Variants in CD3E observed in about 807,000 individuals in gnomAD.
CD3E encodes T-cell surface glycoprotein CD3 epsilon chain.
Under a neutral mutation model 34.7 loss-of-function variants are expected in CD3E, and 16 were observed. That is an observed-to-expected ratio of 0.46 (90% CI 0.31 to 0.70). The LOEUF (loss-of-function observed/expected upper bound fraction) is 0.70. Ranked by LOEUF, CD3E falls within the 30% of genes least tolerant of loss-of-function variation. The pLI is 0.05. For synonymous variants in CD3E, 70 were observed against 90.8 expected, an observed-to-expected ratio of 0.77 and a Z score of 1.30; for missense variants, 223 against 253.9, an observed-to-expected ratio of 0.88 and a Z score of 0.83.
intron 2 of CD3E, among the ~76,000 whole-genome samples, chr11:118,305,766 A>G (rs904182689): frequency 6.6e-6 from 1 of 152,242 alleles, no homozygotes; most frequent in Non-Finnish European, 1.5e-5. Flanking sequence ...GTTTTAAACC[A>G]CATAGTAAGT....
chr11:118,313,805 T>C lies in CD3E; in HGVS notation c.451T>C (p.Trp151Arg), dbSNP rs772728734. 2 of 1,614,012 alleles carry C rather than the reference T, an allele frequency of 1.2e-6. No homozygotes were observed. The highest frequency in any genetic ancestry group is 1.3e-5 in the African/African-American group (1 of 74,892). ...GGGCTTGCTGCTGCTGGTTTACTAC[T>C]GGAGCAAGAATAGAAAGGCCAAGGC... ...TGGLLLLVYY[W>R]SKNRKAKAKP... The change falls in exon 7 of 9, where the codon TGG becomes CGG. Residue 151 changes from tryptophan (W) to arginine (R), a missense_variant. Physicochemically the swap from Trp to Arg is moderately radical, Grantham distance 101 (BLOSUM62 -3). Coordinates refer to ENST00000361763, the MANE Select transcript of CD3E (RefSeq NM_000733.4).
intron 6 of CD3E, chr11:118,313,142 A>T: frequency 2.0e-6 from 1 of 488,784 alleles, no homozygotes; most frequent in Non-Finnish European, 3.7e-6. Flanking sequence ...GCACCGCATC[A>T]CACCCAGGTT....
In CD3E at chr11:118,313,770, G is replaced by C. The variant is rs747675748; in HGVS notation, c.416G>C (p.Cys139Ser). 6.2e-7 allele frequency: 1 copy of C among 1,614,096 alleles called. No homozygotes were observed. Among genetic ancestry groups the C allele is most frequent in the Non-Finnish European group, 8.5e-7 (1 of 1,180,014 alleles). The change falls in exon 7 of 9, where the codon TGC (cysteine) becomes TCC (serine). Residue 139 changes from cysteine (C) to serine (S), a missense_variant. Cys to Ser is a moderately radical substitution (Grantham distance 112). Coordinates refer to ENST00000361763, the MANE Select transcript of CD3E (RefSeq NM_000733.4). The part of the protein sequence containing the change: ...SVATIVIVDI[C>S]ITGGLLLLVY... ...GCCACAATTGTCATAGTGGACATCT[G>C]CATCACTGGGGGCTTGCTGCTGCTG...
intron 3 of CD3E, among the ~76,000 whole-genome samples, 169 bp downstream of exon 3, chr11:118,307,477 G>A (rs528935989): frequency 3.2e-4 from 48 of 152,232 alleles, no homozygotes; most frequent in Non-Finnish European, 5.4e-4. Context: ...GATATTTCTA[G>A]CCCAGAAGAG....
At chr11:118,313,078 A>C in intron 6 of CD3E, 3 of 627,768 alleles carry the variant, frequency 4.8e-6, no homozygotes, top group Non-Finnish European at 8.6e-6. Context: ...GGGTAACCCC[A>C]GTCTGTGCGA....
chr11:118,312,135 T>G lies in CD3E; in HGVS notation c.86-18T>G. The stretch of plus-strand genomic sequence containing the variant: ...ACCATGATATTTTCTTACTGCTGTT[T>G]CCTTTTTTCATTTTCAGGTGGTATT... On this transcript the variant is annotated intron_variant, in intron 4 of 8. Coordinates refer to ENST00000361763, the MANE Select transcript of CD3E (RefSeq NM_000733.4). The G allele has an allele frequency of 6.2e-7, 1 of 1,609,352 alleles. No homozygotes were observed.
At chr11:118,305,182 C>T (rs1351929339) in intron 2 of CD3E, among the ~76,000 whole-genome samples, 181 bp downstream of exon 2, 1 of 152,246 alleles carries the variant, frequency 6.6e-6, no homozygotes, top group Non-Finnish European at 1.5e-5. Context: ...CCACGGGTGC[C>T]TGGGAGAGCG....
rs1948096651 is a variant in CD3E, at chr11:118,304,770, G to A, written c.-66G>A. On this transcript the variant is annotated 5_prime_UTR_variant, in exon 1 of 9. Coordinates refer to ENST00000361763, the MANE Select transcript of CD3E (RefSeq NM_000733.4). ...CTCCCAGCCTCAGGTGCCTGCTTCA[G>A]AAAATGGTGAGTCTCTCTCTTATAA... 5.7e-6 allele frequency: 4 copies of A among 696,204 alleles called. No individual in the cohort carries two copies. Among genetic ancestry groups the A allele is most frequent in the Non-Finnish European group, 1.1e-5 (4 of 380,642 alleles). The allele number at this position is 696,204 out of a possible 1,614,324, so 43.1% of individuals were successfully genotyped here.
At chr11:118,308,504 T>A in intron 4 of CD3E, 63 bp downstream of exon 4, 1 of 1,049,750 alleles carries the variant, frequency 9.5e-7, no homozygotes, top group Non-Finnish European at 1.5e-6. Context: ...GCTCATAGAG[T>A]ACAATCACAG....
chr11:118,310,596 T>C (rs1418809947), intron 4 of CD3E, among the ~76,000 whole-genome samples: 1 of 152,226 alleles, frequency 6.6e-6, no homozygotes, highest in Non-Finnish European at 1.5e-5. Context: ...GTGGAGCACA[T>C]TTCTGTCTAA....
intron 4 of CD3E, among the ~76,000 whole-genome samples, chr11:118,311,370 G>C (rs985993276): frequency 2.0e-5 from 3 of 152,198 alleles, no homozygotes; most frequent in Non-Finnish European, 4.4e-5. Context: ...GGAAACACAG[G>C]CTGGACCTAC....
At chr11:118,306,183 T>TA (rs35596756) in intron 2 of CD3E, among the ~76,000 whole-genome samples, 40,068 of 151,344 alleles carry the variant, frequency 0.26, 6,243 homozygotes, top group Admixed American at 0.4. Context: ...TGCTTTTCCT[T>TA]AAAAAAAAGA....
intron 6 of CD3E, 132 bp from the exon 7 acceptor site, chr11:118,313,575 G>C (rs1948147889): frequency 1.2e-6 from 1 of 823,976 alleles, no homozygotes; most frequent in South Asian, 1.4e-5. Flanking sequence ...ACATATTGAA[G>C]GGGGGGCTCT....
chr11:118,307,347 C>T lies in CD3E; in HGVS notation c.70+39C>T, dbSNP rs187748568. ...TCTTTCTTTCTTTTTTATGAAATCACCCCATCATTCTTTGTAGTTATGAAT... is the reference window on the plus strand; with the variant it reads ...TCTTTCTTTCTTTTTTATGAAATCATCCCATCATTCTTTGTAGTTATGAAT... On this transcript the variant is annotated intron_variant, in intron 3 of 8. Coordinates refer to ENST00000361763, the MANE Select transcript of CD3E (RefSeq NM_000733.4). 4.5e-6 allele frequency: 7 copies of T among 1,567,758 alleles called. No homozygotes were observed. In the African/African-American group the frequency reaches 9.4e-5, roughly 21 times the overall value.
At chr11:118,314,960 TACACAC>T (rs58102034) in intron 8 of CD3E, among the ~76,000 whole-genome samples, 5,859 of 143,670 alleles carry the variant, frequency 0.041, 128 homozygotes, top group Middle Eastern at 0.069. Flanking sequence ...CACACACACA[TACACAC>T]ACACACACAC....
intron 4 of CD3E, among the ~76,000 whole-genome samples, chr11:118,310,991 G>A (rs367948527): frequency 1.3e-3 from 197 of 152,282 alleles, no homozygotes; most frequent in African/African-American, 4.5e-3. Context: ...AGGAAAGGAG[G>A]AAAGGAAGTA....
intron 4 of CD3E, among the ~76,000 whole-genome samples, chr11:118,309,304 G>A (rs952807405): frequency 1.3e-5 from 2 of 152,148 alleles, no homozygotes; most frequent in African/African-American, 2.4e-5. Flanking sequence ...GGCCGGGCAT[G>A]GTGGCTCACA....
At chr11:118,312,968 C>A (rs766927362) in intron 6 of CD3E, 102 bp downstream of exon 6, 3 of 1,301,856 alleles carry the variant, frequency 2.3e-6, no homozygotes, top group South Asian at 1.2e-5. Context: ...AGTGCCCAGG[C>A]GTCTTTGCGC....
Position 118,304,992 on chromosome 11 carries a change from C to G in CD3E, c.40C>G (p.Leu14Val). 6.2e-7 allele frequency: 1 copy of G among 1,613,914 alleles called. No individual in the cohort carries two copies. Among genetic ancestry groups the G allele is most frequent in the Non-Finnish European group, 8.5e-7 (1 of 1,179,774 alleles). Residue 14 changes from leucine (L) to valine (V), a missense_variant, in exon 2 of 9, where the codon CTC (leucine) becomes GTC (valine). Coordinates refer to ENST00000361763, the MANE Select transcript of CD3E (RefSeq NM_000733.4). ...GTHWRVLGLC[L>V]LSVGVWGQDG... ...TCACTGGAGAGTTCTGGGCCTCTGCCTCTTATCAGGTGAGTAGGATGGAGT... is the reference window on the plus strand; with the variant it reads ...TCACTGGAGAGTTCTGGGCCTCTGCGTCTTATCAGGTGAGTAGGATGGAGT...
Sources: allele counts gnomAD v4.1 joint callset (sites outside exome capture counted in the v4.1 genomes callset), GRCh38; gene constraint gnomAD v4.1.1; transcripts MANE v1.5; gene names NCBI Gene and HGNC (gene_info 2026-07-23, HGNC 2026-07-21).